Variants in PRKN observed in about 807,000 individuals in gnomAD.
PRKN encodes the protein parkin RBR E3 ubiquitin protein ligase.
PRKN carries 56 observed loss-of-function variants against 59.5 expected under a neutral mutation model. That is an observed-to-expected ratio of 0.94 (90% CI 0.76 to 1.18). The LOEUF (loss-of-function observed/expected upper bound fraction) is 1.18, where lower values mean the gene tolerates loss of function less well. Among genes scored for constraint, PRKN ranks in the 50% most tolerant of loss-of-function variants. The pLI is 0.00. For missense variants in PRKN, 657 were observed against 596.4 expected (o/e 1.10, Z -1.06); for synonymous variants, 250 against 222.1 (o/e 1.13, Z -1.12).
chr6:162,264,690 G>A (rs1423572655), intron 2 of PRKN: 2 of 152,260 alleles, frequency 1.3e-5, no homozygotes, highest in African/African-American at 4.8e-5. Flanking sequence ...ACTCAGCAGA[G>A]GCCACTGTGC....
At chr6:162,688,677 T>C (rs748230189) in intron 1 of PRKN, among the ~76,000 whole-genome samples, 2 of 152,170 alleles carry the variant, frequency 1.3e-5, no homozygotes, top group Non-Finnish European at 2.9e-5. Context: ...CAACTCCTAA[T>C]CCTCCTGTCA....
chr6:162,454,997 G>C (rs1340154238), intron 1 of PRKN, among the ~76,000 whole-genome samples: 1 of 152,208 alleles, frequency 6.6e-6, no homozygotes, highest in African/African-American at 2.4e-5. Flanking sequence ...CGTGGGTTGA[G>C]TTAGGCTGGT....
In PRKN at chr6:161,497,407, A is replaced by G. The variant is rs1777792717; in HGVS notation, c.1083+51447T>C. On this transcript the variant is annotated intron_variant, in intron 9 of 11. Transcript: ENST00000366898. This position sits in a 1 kb window ranked among gnomAD's most constrained non-coding sequence, Gnocchi z 4.6. ...CTGGCAAAGGTTATCCTTTAAAGAA[A>G]AAAAAGTTCTTGCTCCTCTGTCTTG... Among the ~76,000 whole-genome samples, 1 of 152,208 alleles carries G rather than the reference A, an allele frequency of 6.6e-6. No homozygotes were observed. Among genetic ancestry groups the G allele is most frequent in the African/African-American group, 2.4e-5 (1 of 41,452 alleles).
chr6:162,098,641 C>T (rs73590373), intron 4 of PRKN, among the ~76,000 whole-genome samples: 44 of 152,304 alleles, frequency 2.9e-4, no homozygotes, highest in African/African-American at 1.0e-3. Context: ...GAGTTCCCTA[C>T]CTAGAAAATC....
chr6:161,699,634 A>G (rs1462802099), intron 7 of PRKN, among the ~76,000 whole-genome samples: 1 of 152,160 alleles, frequency 6.6e-6, no homozygotes, highest in African/African-American at 2.4e-5. Context: ...GTATTATTCT[A>G]TTTATATAAT....
intron 9 of PRKN, among the ~76,000 whole-genome samples, chr6:161,476,892 C>G (rs1443296064): frequency 6.6e-6 from 1 of 152,220 alleles, no homozygotes; most frequent in Non-Finnish European, 1.5e-5. Flanking sequence ...CGAGAGCCAG[C>G]ATACAGGAGC....
At chr6:162,545,877 G>C (rs188330474) in intron 1 of PRKN, among the ~76,000 whole-genome samples, 1 of 152,128 alleles carries the variant, frequency 6.6e-6, no homozygotes. Context: ...AAATGAATAT[G>C]GTGCTTCAAG....
intron 2 of PRKN, among the ~76,000 whole-genome samples, chr6:162,390,355 A>G (rs1338604468): frequency 6.8e-6 from 1 of 146,760 alleles, no homozygotes; most frequent in African/African-American, 2.6e-5. Flanking sequence ...GGAATGCCAC[A>G]TGGTGATTAT....
intron 9 of PRKN, among the ~76,000 whole-genome samples, chr6:161,524,998 T>C (rs1778967261): frequency 6.6e-6 from 1 of 152,208 alleles, no homozygotes; most frequent in African/African-American, 2.4e-5. Context: ...CTTACATCTT[T>C]TACACATTTC....
intron 4 of PRKN, among the ~76,000 whole-genome samples, chr6:162,111,527 C>T (rs926776922): frequency 2.0e-5 from 3 of 152,072 alleles, no homozygotes; most frequent in African/African-American, 7.2e-5. Flanking sequence ...CACACACGGA[C>T]GTGCACACTC....
At chr6:162,138,522 G>A (rs900145188) in intron 4 of PRKN, among the ~76,000 whole-genome samples, 5 of 151,804 alleles carry the variant, frequency 3.3e-5, no homozygotes, top group East Asian at 1.9e-4. Context: ...ATCGTGCAAA[G>A]AAACATAAAA....
chr6:161,693,434 T>G (rs772239811), intron 7 of PRKN, among the ~76,000 whole-genome samples: 1 of 152,174 alleles, frequency 6.6e-6, no homozygotes, highest in East Asian at 1.9e-4. Flanking sequence ...GGAATGAAAG[T>G]TGGCAAGTTT....
intron 3 of PRKN, among the ~76,000 whole-genome samples, chr6:162,208,406 A>C (rs887785504): frequency 6.6e-6 from 1 of 152,236 alleles, no homozygotes; most frequent in African/African-American, 2.4e-5. Flanking sequence ...GTTATAACTT[A>C]ATTCTCAAAT....
intron 7 of PRKN, among the ~76,000 whole-genome samples, chr6:161,656,399 C>T (rs12206076): frequency 0.25 from 37,655 of 151,980 alleles, 4,998 homozygotes; most frequent in Middle Eastern, 0.32. Context: ...ATTTTCCACC[C>T]GCCTCCAGAA....
intron 1 of PRKN, among the ~76,000 whole-genome samples, chr6:162,719,236 C>T (rs76973077): frequency 0.058 from 8,768 of 152,166 alleles, 437 homozygotes; most frequent in East Asian, 0.29. Context: ...TGTAATTATA[C>T]AAATTTGGTG....
intron 7 of PRKN, among the ~76,000 whole-genome samples, chr6:161,750,118 T>G (rs74298757): frequency 4.4e-5 from 6 of 137,830 alleles, no homozygotes; most frequent in African/African-American, 1.6e-4. Flanking sequence ...TATATATATA[T>G]ACACACACAC....
At chr6:162,458,381 G>A (rs922113896) in intron 1 of PRKN, among the ~76,000 whole-genome samples, 4 of 147,324 alleles carry the variant, frequency 2.7e-5, no homozygotes, top group South Asian at 2.1e-4. Flanking sequence ...AGCCAAGATC[G>A]CACCACTGCA....
intron 1 of PRKN, among the ~76,000 whole-genome samples, chr6:162,458,682 ATC>A (rs1042767082): frequency 1.6e-5 from 2 of 128,116 alleles, no homozygotes; most frequent in Non-Finnish European, 3.4e-5. Flanking sequence ...TTGTAACTTT[ATC>A]TCTTTTTTTT....
At chr6:162,145,858 T>G (rs1782004180) in intron 4 of PRKN, among the ~76,000 whole-genome samples, 1 of 152,190 alleles carries the variant, frequency 6.6e-6, no homozygotes, top group Non-Finnish European at 1.5e-5. Flanking sequence ...AATCAGAGGC[T>G]AAAGTTACAA....
Sources: gnomAD v4.1 joint callset for allele counts (sites outside exome capture counted in the v4.1 genomes callset) on GRCh38, gnomAD v4.1.1 for gene constraint, Gnocchi (gnomAD v3.1) non-coding constraint, MANE v1.5 for transcripts, NCBI Gene and HGNC (gene_info 2026-07-23, HGNC 2026-07-21) for gene names.